CNMD: variants seen among roughly 807,000 people sequenced by gnomAD.
The protein encoded by CNMD is leukocyte cell-derived chemotaxin 1.
In CNMD, 30 loss-of-function variants were observed where a neutral mutation model predicts 37.5. The ratio of observed to expected loss-of-function variants is 0.80; its 90% CI spans 0.60 to 1.09. The LOEUF is 1.09. CNMD is among the 50% of genes least tolerant of loss of function. The pLI is 0.00. For synonymous variants in CNMD, 167 were observed against 148.2 expected (o/e 1.13, Z -0.92); for missense variants, 398 against 423.9 (o/e 0.94, Z 0.54).
At chr13:52,731,413 G>A (rs1321802467) in intron 3 of CNMD, among the ~76,000 whole-genome samples, 1 of 152,060 alleles carries the variant, frequency 6.6e-6, no homozygotes, top group Non-Finnish European at 1.5e-5. Context: ...AATAGTGTAG[G>A]TACCATAGTG....
chr13:52,731,338 G>GCA (rs1435959007), intron 3 of CNMD, among the ~76,000 whole-genome samples: 2 of 152,172 alleles, frequency 1.3e-5, no homozygotes, highest in Non-Finnish European at 2.9e-5. Context: ...ATCATCCCTT[G>GCA]CACACAGCAT....
intron 5 of CNMD, among the ~76,000 whole-genome samples, chr13:52,709,541 A>G (rs1964258510): frequency 6.6e-6 from 1 of 152,250 alleles, no homozygotes; most frequent in South Asian, 2.1e-4. Flanking sequence ...ATATGAGGGC[A>G]TCAAGCCTCA....
At chr13:52,738,706 A>G (rs1964818322) in intron 2 of CNMD, among the ~76,000 whole-genome samples, 1 of 152,040 alleles carries the variant, frequency 6.6e-6, no homozygotes, top group Non-Finnish European at 1.5e-5. Flanking sequence ...GGACGAGTAC[A>G]CTGAGGCCAA....
At chr13:52,724,310 A>T (rs2138254744) in intron 3 of CNMD, among the ~76,000 whole-genome samples, 200 bp from the exon 4 acceptor site, 1 of 151,148 alleles carries the variant, frequency 6.6e-6, no homozygotes, top group East Asian at 2.0e-4. Flanking sequence ...GCGGTGGCTC[A>T]CGCCTGTAAT....
chr13:52,719,524 G>A (rs569190855), intron 4 of CNMD, among the ~76,000 whole-genome samples: 2 of 152,306 alleles, frequency 1.3e-5, no homozygotes, highest in South Asian at 4.1e-4. Flanking sequence ...CAGGGCTGGT[G>A]GTGACACAAT....
chr13:52,733,309 C>T lies in CNMD; in HGVS notation c.264G>A (p.Gly88=), dbSNP rs1444154999. The T allele has an allele frequency of 6.2e-7, 1 of 1,613,660 alleles. No homozygotes were observed. Reference sequence around the variant, plus strand: ...TGTTCCCAGCGTCTATTTCCATTGACCCATCTTGTAATTTCCCATTGATAC... The same window carrying T: ...TGTTCCCAGCGTCTATTTCCATTGATCCATCTTGTAATTTCCCATTGATAC... ...TMSINGKLQD[G]SMEIDAGNNL... is the part of the protein sequence containing the mutation. The change falls in exon 3 of 7, where the codon GGG becomes GGA. Residue 88 remains glycine (G), a synonymous_variant. Transcript: ENST00000377962.
intron 6 of CNMD, among the ~76,000 whole-genome samples, chr13:52,707,454 C>T (rs1419937865): frequency 6.6e-6 from 1 of 151,420 alleles, no homozygotes; most frequent in Non-Finnish European, 1.5e-5. Context: ...AGTGTTTCAG[C>T]CTAAAGCATT....
chr13:52,713,261 T>A (rs1964321051), intron 4 of CNMD, among the ~76,000 whole-genome samples: 2 of 152,234 alleles, frequency 1.3e-5, no homozygotes, highest in African/African-American at 4.8e-5. Context: ...AGTGAAAATC[T>A]TGTGGGGTTT....
chr13:52,703,759 T>TTCC lies in CNMD; in HGVS notation c.838_840dup (p.Gly280dup), dbSNP rs1478559951. The TTCC allele has an allele frequency of 3.1e-6, 5 of 1,614,058 alleles. No individual in the cohort carries two copies. The African/African-American group carries it at 6.7e-5, about 22-fold the overall frequency. ...CTCCGCCTACATTCTATACAACAGATTCCTTCGTGATCCAGTCTAGGGTCG... is the reference window on the plus strand; with the variant it reads ...CTCCGCCTACATTCTATACAACAGATTCCTCCTTCGTGATCCAGTCTAGGGTCG... On this transcript the variant is annotated inframe_insertion, in exon 7 of 7. Coordinates refer to ENST00000377962, the MANE Select transcript of CNMD (RefSeq NM_007015.3).
chr13:52,722,267 T>C (rs1964497323), intron 4 of CNMD, among the ~76,000 whole-genome samples: 1 of 152,068 alleles, frequency 6.6e-6, no homozygotes, highest in Non-Finnish European at 1.5e-5. Context: ...ACGGGTTTGT[T>C]TTTTAGCTTT....
chr13:52,724,882 G>A (rs903097201), intron 3 of CNMD, among the ~76,000 whole-genome samples: 2 of 152,104 alleles, frequency 1.3e-5, no homozygotes, highest in East Asian at 1.9e-4. Flanking sequence ...GTGACAGAAC[G>A]AGGCTGTCTC....
chr13:52,709,303 G>A (rs893873511), intron 5 of CNMD, among the ~76,000 whole-genome samples: 1 of 152,146 alleles, frequency 6.6e-6, no homozygotes, highest in Non-Finnish European at 1.5e-5. Context: ...TGGTATCATT[G>A]AGTAGCTGAT....
intron 5 of CNMD, among the ~76,000 whole-genome samples, chr13:52,711,868 G>A (rs980415528): frequency 6.6e-6 from 1 of 152,028 alleles, no homozygotes; most frequent in Non-Finnish European, 1.5e-5. Flanking sequence ...AACACTAACT[G>A]CCCAGTTTTT....
At chr13:52,734,478 G>A (rs1303518622) in intron 2 of CNMD, among the ~76,000 whole-genome samples, 1 of 152,092 alleles carries the variant, frequency 6.6e-6, no homozygotes, top group Non-Finnish European at 1.5e-5. Flanking sequence ...CCTGATTACT[G>A]CACTGGTTTC....
Position 52,728,651 on chromosome 13 carries a change from G to GTGAC in CNMD, c.355-4545_355-4542dup, listed in dbSNP as rs1964614885. On this transcript the variant is annotated intron_variant, in intron 3 of 6. Coordinates refer to ENST00000377962, the MANE Select transcript of CNMD (RefSeq NM_007015.3). ...AGGGAGGGAGATGATGCCTTCTTAT[G>GTGAC]TGACATTTTCTCTTAACTTCAAACA... Among the ~76,000 whole-genome samples the GTGAC allele has an allele frequency of 3.9e-5, 6 of 152,250 alleles. 1 individual carries two copies. In the East Asian group the frequency reaches 7.7e-4, roughly 20 times the overall value.
chr13:52,723,298 G>A (rs1191195158), intron 4 of CNMD, among the ~76,000 whole-genome samples: 2 of 152,034 alleles, frequency 1.3e-5, no homozygotes, highest in Non-Finnish European at 2.9e-5. Context: ...TTGCCGTGTT[G>A]TCCAGGCTTG....
intron 3 of CNMD, among the ~76,000 whole-genome samples, chr13:52,726,342 G>A (rs1964571860): frequency 6.6e-6 from 1 of 152,150 alleles, no homozygotes; most frequent in South Asian, 2.1e-4. Context: ...CTTTTAAAGT[G>A]ATGGCAATAA....
chr13:52,738,117 A>T (rs944948563), intron 2 of CNMD, among the ~76,000 whole-genome samples: 3 of 152,194 alleles, frequency 2.0e-5, no homozygotes, highest in African/African-American at 7.2e-5. Flanking sequence ...AACAGCAATC[A>T]CCAATCCTCT....
chr13:52,723,672 A>G (rs1362857364), intron 4 of CNMD, among the ~76,000 whole-genome samples: 1 of 151,932 alleles, frequency 6.6e-6, no homozygotes, highest in African/African-American at 2.4e-5. Flanking sequence ...GCTCACTCCT[A>G]TAATCCTGGC....
Sources: gnomAD v4.1 joint callset for allele counts (sites outside exome capture counted in the v4.1 genomes callset) on GRCh38, gnomAD v4.1.1 for gene constraint, MANE v1.5 for transcripts, NCBI Gene and HGNC (gene_info 2026-07-23, HGNC 2026-07-21) for gene names.